DPYSL2: variants seen among roughly 807,000 people sequenced by gnomAD.
DPYSL2 encodes the protein dihydropyrimidinase-related protein 2.
Under a neutral mutation model 69.9 loss-of-function variants are expected in DPYSL2, and 13 were observed. That is an observed-to-expected ratio of 0.19 (90% confidence interval 0.12 to 0.30). The LOEUF (loss-of-function observed/expected upper bound fraction) is 0.30. DPYSL2 is among the 10% of genes least tolerant of loss of function. The probability of loss-of-function intolerance (pLI) is 1.00; values close to 1 mark genes in which losing one functional copy is unlikely to be tolerated. For synonymous variants in DPYSL2, 326 were observed against 359.1 expected (o/e 0.91, Z 1.04); for missense variants, 587 against 918.9 (o/e 0.64, Z 4.67).
Position 26,590,251 on chromosome 8 carries a change from C to T in DPYSL2, c.628+6268C>T, listed in dbSNP as rs143736793. On this transcript the variant is annotated intron_variant, in intron 3 of 13. Transcript: ENST00000521913. The stretch of plus-strand genomic sequence containing the variant: ...GCCACAAAATCTGCCTGTGGCCTGG[C>T]GATTAGAAAGCCACGTTATCCAATG... Among the ~76,000 whole-genome samples, 1,223 of 152,300 alleles carry T rather than the reference C, an allele frequency of 8.0e-3. 12 individuals are homozygous for T. The highest frequency in any genetic ancestry group is 0.011 in the South Asian group (53 of 4,828).
Position 26,624,802 on chromosome 8 carries a change from C to G in DPYSL2, c.793+495C>G, listed in dbSNP as rs928150605. ...ACAACCTGAGAGGGCTTTTCCTTTC[C>G]CTAGAATTATTTTGGAGAACAAATT... On this transcript the variant is annotated intron_variant, in intron 4 of 13. Coordinates refer to ENST00000521913, the MANE Select transcript of DPYSL2 (RefSeq NM_001197293.3). The surrounding 1 kb of genome is among the most constrained non-coding windows in gnomAD (Gnocchi z 4.7). 1.3e-5 allele frequency among the ~76,000 whole-genome samples: 2 copies of G among 152,046 alleles called. No homozygotes were observed. Among genetic ancestry groups the G allele is most frequent in the Non-Finnish European group, 2.9e-5 (2 of 68,032 alleles).
chr8:26,543,788 C>G (rs1800721757), intron 1 of DPYSL2, among the ~76,000 whole-genome samples: 1 of 152,106 alleles, frequency 6.6e-6, no homozygotes, highest in Non-Finnish European at 1.5e-5. Context: ...CGCCTGGCCA[C>G]TAGCTCTACT....
At chr8:26,637,001 C>T (rs992539099) in intron 8 of DPYSL2, among the ~76,000 whole-genome samples, 3 of 152,140 alleles carry the variant, frequency 2.0e-5, no homozygotes, top group Admixed American at 2.0e-4. Context: ...CTCGGTCTCC[C>T]AAAATACTGG....
intron 7 of DPYSL2, among the ~76,000 whole-genome samples, chr8:26,631,224 G>A (rs985963911): frequency 2.6e-5 from 4 of 152,192 alleles, no homozygotes; most frequent in Non-Finnish European, 4.4e-5. Flanking sequence ...GTGAGACTGG[G>A]TAATTTATAA....
Position 26,514,471 on chromosome 8 carries a change from C to T in DPYSL2, c.146C>T (p.Thr49Ile). 1 of 1,528,964 alleles carries T rather than the reference C, an allele frequency of 6.5e-7. No homozygotes were observed. The allele number at this position is 1,528,964 out of a possible 1,614,324, so 94.7% of individuals were successfully genotyped here. Residue 49 changes from threonine (T) to isoleucine (I), a missense_variant, in exon 1 of 14, where the codon ACC becomes ATC. Thr to Ile is a moderately conservative substitution (Grantham distance 89). Around this residue, in one of 3 missense-constraint regions of DPYSL2, gnomAD observed 50 missense variants for 86.8 expected, o/e 0.58. Coordinates refer to ENST00000521913, the MANE Select transcript of DPYSL2 (RefSeq NM_001197293.3). The surrounding 1 kb of genome is among the most constrained non-coding windows in gnomAD (Gnocchi z 8.4). Reference sequence around the variant, plus strand: ...GTGGAAGGGTCCTCGGAGAACAAGACCATCGACTTCGACTCGCTGTCGGTG... The same window carrying T: ...GTGGAAGGGTCCTCGGAGAACAAGATCATCGACTTCGACTCGCTGTCGGTG... ...CPVEGSSENK[T>I]IDFDSLSVGR... is the part of the protein sequence containing the mutation.
At chr8:26,529,057 C>G (rs1800439509) in intron 1 of DPYSL2, among the ~76,000 whole-genome samples, 1 of 152,072 alleles carries the variant, frequency 6.6e-6, no homozygotes, top group Admixed American at 6.6e-5. Flanking sequence ...AGTCATTTTA[C>G]TATCTCTAGG....
At chr8:26,584,017 A>T in intron 3 of DPYSL2, 34 bp downstream of exon 3, 1 of 1,584,206 alleles carries the variant, frequency 6.3e-7, no homozygotes. Flanking sequence ...TGTAGTGCTT[A>T]GGAAGTGTGA....
rs1390741279 is a variant in DPYSL2, at chr8:26,619,031, C to CA, written c.629-5107dup. 4.6e-5 allele frequency among the ~76,000 whole-genome samples: 7 copies of CA among 152,084 alleles called. No individual in the cohort carries two copies. Among genetic ancestry groups the CA allele is most frequent in the Non-Finnish European group, 1.0e-4 (7 of 68,006 alleles). On this transcript the variant is annotated intron_variant, in intron 3 of 13. Transcript: ENST00000521913. The surrounding 1 kb of genome is among the most constrained non-coding windows in gnomAD (Gnocchi z 4.8). ...AAACCACAGTAAGGGAGTACTGCAG[C>CA]AAAAACTAGAATTTGGGGGCTCCTT...
At chr8:26,528,791 A>G (rs1463312906) in intron 1 of DPYSL2, among the ~76,000 whole-genome samples, 1 of 152,198 alleles carries the variant, frequency 6.6e-6, no homozygotes, top group African/African-American at 2.4e-5. Context: ...GAGCAGGGAA[A>G]TAGGTGGCCA....
intron 11 of DPYSL2, among the ~76,000 whole-genome samples, chr8:26,651,853 T>G (rs1803286066): frequency 6.6e-6 from 1 of 152,172 alleles, no homozygotes; most frequent in African/African-American, 2.4e-5. Flanking sequence ...GAAAACCTAC[T>G]TGTGGATGGC....
chr8:26,549,210 T>C (rs1476299016), intron 1 of DPYSL2, among the ~76,000 whole-genome samples: 1 of 148,454 alleles, frequency 6.7e-6, no homozygotes, highest in Non-Finnish European at 1.5e-5. Context: ...TTAATAATAA[T>C]AATAATAATA....
At position 26,514,171 on chromosome 8, in the gene DPYSL2, G is replaced by C. The variant is rs963519718; in HGVS notation, c.-155G>C. On this transcript the variant is annotated 5_prime_UTR_variant, in exon 1 of 14. Coordinates refer to ENST00000521913, the MANE Select transcript of DPYSL2 (RefSeq NM_001197293.3). The surrounding 1 kb of genome is among the most constrained non-coding windows in gnomAD (Gnocchi z 8.4). ...GGAGGGACCGGGAGGGTGGGTCGCC[G>C]GCTCGCCAGCCCTCCTTCCTTTCTG... 7.0e-6 allele frequency: 4 copies of C among 571,492 alleles called. No homozygotes were observed. The highest frequency in any genetic ancestry group is 8.1e-6 in the Non-Finnish European group (3 of 372,216). The allele number at this position is 571,492 out of a possible 1,614,324, so 35.4% of individuals were successfully genotyped here.
rs371240205 is a variant in DPYSL2 at position 26,624,291 on chromosome 8, G to A, written c.777G>A (p.Ala259=). The change falls in exon 4 of 14, where the codon GCG becomes GCA. Residue 259 remains alanine (A), a synonymous_variant. Coordinates refer to ENST00000521913, the MANE Select transcript of DPYSL2 (RefSeq NM_001197293.3). This position sits in a 1 kb window ranked among gnomAD's most constrained non-coding sequence, Gnocchi z 4.7. ...WHKGIQEEME[A]LVKDHGVNSF... ...AGGGCATCCAGGAGGAGATGGAAGC[G>A]CTTGTGAAGGATCACGGTAGGTTGC... 1.8e-4 allele frequency: 289 copies of A among 1,614,034 alleles called. 1 individual carries two copies. The highest frequency in any genetic ancestry group is 3.3e-4 in the Middle Eastern group (2 of 6,080).
chr8:26,577,491 C>A (rs1801378620), intron 1 of DPYSL2: 1 of 148,972 alleles, frequency 6.7e-6, no homozygotes, highest in Non-Finnish European at 1.5e-5. Context: ...GCGCAGTCAC[C>A]CCACGCGGGG....
At chr8:26,632,302 G>A (rs1029837234) in intron 7 of DPYSL2, among the ~76,000 whole-genome samples, 1 of 152,230 alleles carries the variant, frequency 6.6e-6, no homozygotes, top group African/African-American at 2.4e-5. Context: ...GATCCTTTCT[G>A]AAGGGACTGT....
In DPYSL2 at chr8:26,619,072, T is replaced by C. The variant is rs1337641196; in HGVS notation, c.629-5071T>C. On this transcript the variant is annotated intron_variant, in intron 3 of 13. Transcript: ENST00000521913. The surrounding 1 kb of genome is among the most constrained non-coding windows in gnomAD (Gnocchi z 4.8). The stretch of plus-strand genomic sequence containing the variant: ...GGGGCTCCTTGACCCCCAAGCCTAT[T>C]CTCTTTTCACTGCTGGTATAGTCGG... Among the ~76,000 whole-genome samples the C allele has an allele frequency of 1.3e-5, 2 of 152,132 alleles. No homozygotes were observed. Among genetic ancestry groups the C allele is most frequent in the Non-Finnish European group, 2.9e-5 (2 of 68,012 alleles).
intron 1 of DPYSL2, among the ~76,000 whole-genome samples, chr8:26,542,849 G>C (rs965398991): frequency 1.3e-5 from 2 of 152,196 alleles, no homozygotes; most frequent in Admixed American, 1.3e-4. Context: ...TAGGTCCTGT[G>C]TGTGTTTAGA....
chr8:26,548,214 G>T, intron 1 of DPYSL2: 1 of 233,598 alleles, frequency 4.3e-6, no homozygotes, highest in South Asian at 7.1e-5. Flanking sequence ...CTGTGGCCAA[G>T]GCCTCCAAGG....
intron 1 of DPYSL2, among the ~76,000 whole-genome samples, chr8:26,524,185 T>G (rs934007748): frequency 2.6e-5 from 4 of 152,230 alleles, no homozygotes; most frequent in Non-Finnish European, 4.4e-5. Context: ...ATACTTATTT[T>G]TTGGTAGGTT....
Sources: gnomAD v4.1 joint callset for allele counts (sites outside exome capture counted in the v4.1 genomes callset) on GRCh38, gnomAD v4.1.1 for gene constraint, gnomAD v4.1.1 regional missense constraint, Gnocchi (gnomAD v3.1) non-coding constraint, MANE v1.5 for transcripts, NCBI Gene and HGNC (gene_info 2026-07-23, HGNC 2026-07-21) for gene names.